Variants in CPLX4 observed in about 807,000 individuals in gnomAD.
The protein encoded by CPLX4 is complexin-4.
In CPLX4, 17 loss-of-function variants were observed where a neutral mutation model predicts 16.1. The ratio of observed to expected loss-of-function variants is 1.06; its 90% CI spans 0.72 to 1.59. The LOEUF (loss-of-function observed/expected upper bound fraction) is 1.59. Ranked by LOEUF, CPLX4 falls within the 40% of genes most tolerant of loss-of-function variation. CPLX4 has a pLI of 0.00. For synonymous variants in CPLX4, 55 were observed against 57.8 expected, an observed-to-expected ratio of 0.95 and a Z score of 0.22; for missense variants, 193 against 192.9, an observed-to-expected ratio of 1.00 and a Z score of 0.00.
intron 2 of CPLX4, among the ~76,000 whole-genome samples, chr18:59,298,058 C>T (rs1354311850): frequency 6.6e-6 from 1 of 151,822 alleles, no homozygotes; most frequent in Non-Finnish European, 1.5e-5. Context: ...TCTAGAATTT[C>T]TTAATGCATG....
In CPLX4 at chr18:59,312,722, A is replaced by C; in HGVS notation, c.218T>G (p.Leu73Arg). ...GTATTTTTCTCTGAGATGAACTCTG[A>C]GGCATGCCCTTTCTGCCTTTTTCTG... ...FTQKKAERAC[L>R]RVHLREKYRL... The change falls in exon 2 of 3, where the codon CTC becomes CGC. Residue 73 changes from leucine to arginine, a missense_variant. Physicochemically the swap from Leu to Arg is moderately radical, Grantham distance 102. Coordinates refer to ENST00000299721, the MANE Select transcript of CPLX4 (RefSeq NM_181654.4). 2.0e-6 allele frequency: 3 copies of C among 1,469,062 alleles called. No homozygotes were observed. The highest frequency in any genetic ancestry group is 2.9e-6 in the Non-Finnish European group (3 of 1,047,920). The allele number at this position is 1,469,062 out of a possible 1,614,324, so 91.0% of individuals were successfully genotyped here. A position where few individuals can be genotyped will look rare whatever the true frequency, so the allele number is the denominator to read the frequency against.
chr18:59,296,637 C>G lies in CPLX4; in HGVS notation c.*61G>C. 1.9e-6 allele frequency: 3 copies of G among 1,580,966 alleles called. No individual in the cohort carries two copies. Among genetic ancestry groups the G allele is most frequent in the East Asian group, 4.5e-5 (2 of 44,422 alleles). On this transcript the variant is annotated 3_prime_UTR_variant, in exon 3 of 3. Transcript: ENST00000299721. ...TTAAAACATGTACTGCTTGAAACGT[C>G]CCACAAGAGAGTGGTCTTTTCCAAG...
At chr18:59,303,950 G>A (rs955224928) in intron 2 of CPLX4, among the ~76,000 whole-genome samples, 1 of 152,218 alleles carries the variant, frequency 6.6e-6, no homozygotes, top group African/African-American at 2.4e-5. Context: ...GAAAGCAGGA[G>A]GTTTCGGTGT....
chr18:59,317,749 A>T (rs2070660157), intron 1 of CPLX4, among the ~76,000 whole-genome samples: 1 of 151,574 alleles, frequency 6.6e-6, no homozygotes. Flanking sequence ...CATATTAAAC[A>T]GTCCACAAAT....
chr18:59,312,909 T>C (rs2070627355), intron 1 of CPLX4, 137 bp from the exon 2 acceptor site: 3 of 504,672 alleles, frequency 5.9e-6, no homozygotes, highest in Middle Eastern at 3.3e-4. Flanking sequence ...ATGGGATTTT[T>C]TTCCTAGGTC....
chr18:59,312,731 CT>C lies in CPLX4; in HGVS notation c.208del (p.Arg70GlyfsTer41). The C allele has an allele frequency of 6.8e-7, 1 of 1,480,706 alleles. No homozygotes were observed. The highest frequency in any genetic ancestry group is 9.4e-7 in the Non-Finnish European group (1 of 1,058,716). 91.7% of individuals were successfully genotyped at this position (1,480,706 alleles called of 1,614,324 possible). On this transcript the variant is annotated frameshift_variant, in exon 2 of 3. Coordinates refer to ENST00000299721, the MANE Select transcript of CPLX4 (RefSeq NM_181654.4). LOFTEE classifies it high-confidence loss of function. The part of the protein sequence containing the change: ...DAAFTQKKAE[R>X]ACLRVHLREK... The stretch of plus-strand genomic sequence containing the variant: ...TCTGAGATGAACTCTGAGGCATGCC[CT>C]TTCTGCCTTTTTCTGTGTAAATGCA...
intron 2 of CPLX4, among the ~76,000 whole-genome samples, chr18:59,302,111 A>G (rs2070545700): frequency 6.6e-6 from 1 of 152,230 alleles, no homozygotes. Context: ...ATTAAGAAGC[A>G]TAAATGGGAT....
chr18:59,298,995 C>T (rs1322541619), intron 2 of CPLX4, among the ~76,000 whole-genome samples: 1 of 152,184 alleles, frequency 6.6e-6, no homozygotes, highest in Non-Finnish European at 1.5e-5. Flanking sequence ...CCTTGGAGAG[C>T]CTGGAGGACA....
Position 59,318,506 on chromosome 18 carries a change from T to TAA in CPLX4, c.-45_-44insTT. ...ATAAAACCAAAATTCAGACAAAAGC[T>TAA]GAAAAAAAAAATCCAAACAAACCCA... On this transcript the variant is annotated 5_prime_UTR_variant, in exon 1 of 3. Transcript: ENST00000299721. 6.4e-7 allele frequency: 1 copy of TAA among 1,555,874 alleles called. No individual in the cohort carries two copies. The highest frequency in any genetic ancestry group is 8.6e-7 in the Non-Finnish European group (1 of 1,158,394).
intron 2 of CPLX4, among the ~76,000 whole-genome samples, chr18:59,299,972 T>TAC (rs1187771780): frequency 6.6e-6 from 1 of 152,248 alleles, no homozygotes; most frequent in Non-Finnish European, 1.5e-5. Flanking sequence ...ACAAGGGCTG[T>TAC]AACTTACTCA....
Position 59,306,871 on chromosome 18 carries a change from T to C in CPLX4, c.255+5814A>G, listed in dbSNP as rs750048235. Among the ~76,000 whole-genome samples the C allele has an allele frequency of 7.2e-5, 11 of 152,332 alleles. 1 individual carries two copies. The Middle Eastern group carries it at 0.01, about 141-fold the overall frequency. ...ACCCAGGGGGTCATCCCTCATTAGC[T>C]GGAGGACATGTTAAATTCGTCCAAT... On this transcript the variant is annotated intron_variant, in intron 2 of 2. Transcript: ENST00000299721.
chr18:59,314,856 A>C (rs2070641974), intron 1 of CPLX4, among the ~76,000 whole-genome samples: 1 of 152,198 alleles, frequency 6.6e-6, no homozygotes. Flanking sequence ...TTTATTGCTG[A>C]GTAGTAAGTA....
At chr18:59,301,034 CT>C (rs1469787716) in intron 2 of CPLX4, among the ~76,000 whole-genome samples, 3 of 152,114 alleles carry the variant, frequency 2.0e-5, no homozygotes, top group Non-Finnish European at 4.4e-5. Flanking sequence ...ACCTGGCCCT[CT>C]TTTTTTTCCA....
chr18:59,314,106 T>C (rs1398867693), intron 1 of CPLX4, among the ~76,000 whole-genome samples: 3 of 152,166 alleles, frequency 2.0e-5, no homozygotes, highest in African/African-American at 4.8e-5. Flanking sequence ...CTCTCTGAAC[T>C]CATTTCCATC....
chr18:59,317,805 T>C (rs1473481410), intron 1 of CPLX4, among the ~76,000 whole-genome samples: 2 of 150,578 alleles, frequency 1.3e-5, no homozygotes, highest in African/African-American at 5.0e-5. Flanking sequence ...ATAATTGTCA[T>C]GTTATGCTTC....
intron 2 of CPLX4, among the ~76,000 whole-genome samples, chr18:59,300,606 T>G (rs1391329025): frequency 6.6e-6 from 1 of 152,210 alleles, no homozygotes; most frequent in Non-Finnish European, 1.5e-5. Context: ...CTTTATTTCC[T>G]TGTCTGTATA....
chr18:59,300,937 C>T (rs1468474988), intron 2 of CPLX4, among the ~76,000 whole-genome samples: 4 of 152,230 alleles, frequency 2.6e-5, no homozygotes, highest in Non-Finnish European at 5.9e-5. Context: ...ACCTAGCCAG[C>T]CCTAGCTCCC....
intron 1 of CPLX4, among the ~76,000 whole-genome samples, chr18:59,317,943 A>G (rs375907769): frequency 1.3e-5 from 2 of 152,040 alleles, no homozygotes; most frequent in East Asian, 1.9e-4. Context: ...TAAGAGGGTG[A>G]AGTTTAGAAA....
intron 2 of CPLX4, 94 bp downstream of exon 2, chr18:59,312,591 C>A: frequency 2.6e-6 from 1 of 382,926 alleles, no homozygotes; most frequent in African/African-American, 2.2e-5. Flanking sequence ...TATATATATT[C>A]ATATTCAGGA....
Sources: allele counts gnomAD v4.1 joint callset (sites outside exome capture counted in the v4.1 genomes callset), GRCh38; gene constraint gnomAD v4.1.1; transcripts MANE v1.5; gene names NCBI Gene and HGNC (gene_info 2026-07-23, HGNC 2026-07-21).